The following RPAP1 variants were observed in gnomAD, a reference collection of about 807,000 sequenced individuals.
RPAP1 encodes the protein RNA polymerase II associated protein 1, also known as RNA polymerase II-associated protein 1.
A neutral mutation model predicts 142.4 loss-of-function variants in RPAP1; 109 were observed. The observed-to-expected ratio is 0.77, with a 90% CI of 0.66 to 0.90. The LOEUF (loss-of-function observed/expected upper bound fraction) is 0.90, where lower values mean the gene tolerates loss of function less well. Among genes scored for constraint, RPAP1 ranks in the 40% least tolerant of loss-of-function variants. The pLI, the probability that RPAP1 is intolerant of heterozygous loss-of-function variation, is 0.00. For missense variants in RPAP1, 1,546 were observed against 1,751.7 expected (o/e 0.88, Z 2.10); for synonymous variants, 704 against 738.9 (o/e 0.95, Z 0.77).
chr15:41,520,477 G>A lies in RPAP1; in HGVS notation c.3709C>T (p.Gln1237Ter), dbSNP rs1303746394. The change falls in exon 22 of 25, where the codon CAG (glutamine) becomes TAG (stop). Residue 1237 changes from glutamine (Q) to a stop codon, truncating the protein, a stop_gained. Coordinates refer to ENST00000304330, the MANE Select transcript of RPAP1 (RefSeq NM_015540.4). LOFTEE classifies it high-confidence loss of function. ...LFGALVLLPL[Q>*]RRFSVTLRLA... The stretch of plus-strand genomic sequence containing the variant: ...CGCAAGGTGACACTGAACCGACGCT[G>A]CAGGGGCAGGAGGACCAGGGCCCCA... The A allele has an allele frequency of 6.2e-7, 1 of 1,614,138 alleles. No homozygotes were observed. The highest frequency in any genetic ancestry group is 8.5e-7 in the Non-Finnish European group (1 of 1,179,994).
In RPAP1 at chr15:41,517,356, A is replaced by C; in HGVS notation, c.*186T>G. On this transcript the variant is annotated 3_prime_UTR_variant, in exon 25 of 25. Transcript: ENST00000304330. ...GTACAGACCTTCAGAAGCCCCAGAT[A>C]TCAGGATGTAATGGTAGGGCTCACT... is the stretch of plus-strand genomic sequence containing the variant. 1.9e-6 allele frequency: 1 copy of C among 517,534 alleles called. No individual in the cohort carries two copies. Among genetic ancestry groups the C allele is most frequent in the East Asian group, 3.0e-5 (1 of 32,940 alleles). 32.1% of individuals were successfully genotyped at this position (517,534 alleles called of 1,614,324 possible). A position where few individuals can be genotyped will look rare whatever the true frequency, so the allele number is the denominator to read the frequency against.
At position 41,523,810 on chromosome 15, in the gene RPAP1, C is replaced by T. The variant is rs1220704217; in HGVS notation, c.2397G>A (p.Leu799=). The change falls in exon 17 of 25, where the codon CTG becomes CTA. Residue 799 remains leucine, a synonymous_variant. Coordinates refer to ENST00000304330, the MANE Select transcript of RPAP1 (RefSeq NM_015540.4). ...RAVGPVPVAC[L]LFLGAYYQAW... ...CCTGGTAGTAGGCTCCCAGGAACAA[C>T]AGGCAGGCAACGGGCACTGGGCCCA... The T allele has an allele frequency of 6.2e-7, 1 of 1,608,688 alleles. No homozygotes were observed. The highest frequency in any genetic ancestry group is 1.3e-5 in the African/African-American group (1 of 74,836).
At chr15:41,543,928 C>G (rs954697841) in intron 1 of RPAP1, 1 of 152,238 alleles carries the variant, frequency 6.6e-6, no homozygotes, top group African/African-American at 2.4e-5. Flanking sequence ...AGCCTATCCT[C>G]CAGAGCCAGG....
intron 1 of RPAP1, among the ~76,000 whole-genome samples, chr15:41,541,988 G>A (rs887745392): frequency 6.6e-6 from 1 of 152,170 alleles, no homozygotes; most frequent in Non-Finnish European, 1.5e-5. Flanking sequence ...TAGAAATGGT[G>A]AAACAATCAC....
chr15:41,527,611 A>G lies in RPAP1; in HGVS notation c.1429-6T>C. 6.2e-7 allele frequency: 1 copy of G among 1,609,340 alleles called. No individual in the cohort carries two copies. Among genetic ancestry groups the G allele is most frequent in the Non-Finnish European group, 8.5e-7 (1 of 1,178,090 alleles). ...AAGGTGCTGTCGAGGAGCTCCTGCC[A>G]GAGGAACGGGAGTTGGGGGGCAATG... On this transcript the variant is annotated splice_polypyrimidine_tract_variant and splice_region_variant and intron_variant, in intron 11 of 24. Coordinates refer to ENST00000304330, the MANE Select transcript of RPAP1 (RefSeq NM_015540.4).
In RPAP1 at chr15:41,525,014, A is replaced by G. The variant is rs773717127; in HGVS notation, c.2052T>C (p.Tyr684=). The change falls in exon 15 of 25, where the codon TAT becomes TAC. Residue 684 remains tyrosine, a synonymous_variant. Coordinates refer to ENST00000304330, the MANE Select transcript of RPAP1 (RefSeq NM_015540.4). The part of the protein sequence containing the change: ...ALRLWAVAAS[Y]GQGGYLYREL... ...ACCTGTAAAGGTAACCGCCCTGGCCATAGGAGGCAGCCACAGCCCACAGAC... is the reference window on the plus strand; with the variant it reads ...ACCTGTAAAGGTAACCGCCCTGGCCGTAGGAGGCAGCCACAGCCCACAGAC... The G allele has an allele frequency of 3.1e-6, 5 of 1,613,730 alleles. No individual in the cohort carries two copies. The South Asian group carries it at 5.5e-5, about 18-fold the overall frequency.
chr15:41,539,357 C>T (rs1172938581), intron 1 of RPAP1, among the ~76,000 whole-genome samples: 4 of 151,812 alleles, frequency 2.6e-5, no homozygotes, highest in East Asian at 1.9e-4. Flanking sequence ...TGCAATGGCG[C>T]GATCTCGGCT....
chr15:41,527,609 C>A lies in RPAP1; in HGVS notation c.1429-4G>T, dbSNP rs769099352. 1 of 1,609,358 alleles carries A rather than the reference C, an allele frequency of 6.2e-7. No individual in the cohort carries two copies. Among genetic ancestry groups the A allele is most frequent in the African/African-American group, 1.3e-5 (1 of 74,642 alleles). ...AGAAGGTGCTGTCGAGGAGCTCCTG[C>A]CAGAGGAACGGGAGTTGGGGGGCAA... On this transcript the variant is annotated splice_polypyrimidine_tract_variant and splice_region_variant and intron_variant, in intron 11 of 24. Coordinates refer to ENST00000304330, the MANE Select transcript of RPAP1 (RefSeq NM_015540.4).
intron 6 of RPAP1, 111 bp from the exon 7 acceptor site, chr15:41,531,313 G>A (rs1007860384): frequency 4.2e-5 from 46 of 1,096,748 alleles, no homozygotes; most frequent in Non-Finnish European, 5.7e-5. Flanking sequence ...GACAGGACAA[G>A]CTGCTTCCGA....
intron 9 of RPAP1, among the ~76,000 whole-genome samples, chr15:41,528,612 G>C (rs1176647939): frequency 6.6e-6 from 1 of 152,172 alleles, no homozygotes; most frequent in East Asian, 1.9e-4. Flanking sequence ...TGGATGGGTA[G>C]AGCTTTGATG....
intron 7 of RPAP1, 76 bp downstream of exon 7, chr15:41,530,942 TCTCTC>T: frequency 1.5e-6 from 2 of 1,363,534 alleles, no homozygotes; most frequent in East Asian, 2.3e-5. Flanking sequence ...GCTTCTCTCT[TCTCTC>T]ATTTGCCAGG....
At chr15:41,533,147 CACAGGACAAGTTTAAGG>C (rs2051871683) in intron 6 of RPAP1, among the ~76,000 whole-genome samples, 1 of 152,064 alleles carries the variant, frequency 6.6e-6, no homozygotes. Context: ...CCACCTACCT[CACAGGACAAGTTTAAGG>C]ACAGAACTGA....
At chr15:41,532,395 C>T (rs1424073275) in intron 6 of RPAP1, among the ~76,000 whole-genome samples, 2 of 151,986 alleles carry the variant, frequency 1.3e-5, no homozygotes, top group African/African-American at 2.4e-5. Context: ...AACTCTTGGC[C>T]TCAAGCAATC....
intron 6 of RPAP1, among the ~76,000 whole-genome samples, chr15:41,532,222 G>A (rs2051859058): frequency 1.3e-5 from 2 of 152,020 alleles, no homozygotes; most frequent in African/African-American, 4.8e-5. Flanking sequence ...GGGTTTCACC[G>A]TGTTGGCCAG....
chr15:41,540,564 G>A (rs1444161215), intron 1 of RPAP1, among the ~76,000 whole-genome samples: 2 of 152,214 alleles, frequency 1.3e-5, no homozygotes, highest in African/African-American at 4.8e-5. Flanking sequence ...GCCTCCCAAA[G>A]TGCTGGGATT....
Position 41,536,994 on chromosome 15 carries a change from G to A in RPAP1, c.132C>T (p.Asn44=). The A allele has an allele frequency of 6.2e-7, 1 of 1,614,168 alleles. No individual in the cohort carries two copies. The highest frequency in any genetic ancestry group is 8.5e-7 in the Non-Finnish European group (1 of 1,180,030). The change falls in exon 2 of 25, where the codon AAC becomes AAT. Residue 44 remains asparagine (N), a synonymous_variant. Coordinates refer to ENST00000304330, the MANE Select transcript of RPAP1 (RefSeq NM_015540.4). ...GGTCCTGGAGCGGAGGCCGGTCTGA[G>A]TTGGCATCACCACCGCCCCTATTTC... ...KKGNRGGGDA[N]SDRPPLQDHR...
At chr15:41,520,360 C>A (rs765188434) in intron 22 of RPAP1, 31 bp downstream of exon 22, 6 of 1,610,254 alleles carry the variant, frequency 3.7e-6, no homozygotes, top group East Asian at 2.2e-5. Flanking sequence ...TGCAGGGTAC[C>A]CTTGCAGGTC....
intron 1 of RPAP1, among the ~76,000 whole-genome samples, chr15:41,539,000 G>A (rs1265026733): frequency 6.6e-6 from 1 of 152,226 alleles, no homozygotes; most frequent in Non-Finnish European, 1.5e-5. Flanking sequence ...GTTGCCAGGG[G>A]CTAGGAGAGC....
rs771412337 is a variant in RPAP1 at position 41,528,041 on chromosome 15, G to C, written c.1261-14C>G. 1 of 1,612,758 alleles carries C rather than the reference G, an allele frequency of 6.2e-7. No individual in the cohort carries two copies. The highest frequency in any genetic ancestry group is 1.7e-5 in the Admixed American group (1 of 59,844). On this transcript the variant is annotated splice_polypyrimidine_tract_variant and intron_variant, in intron 10 of 24. Coordinates refer to ENST00000304330, the MANE Select transcript of RPAP1 (RefSeq NM_015540.4). ...ACCAGCCTGGGCCTGAGGGCAGGAGGGTAAAACCTTGCTGAAGATGCTGAA... is the reference window on the plus strand; with the variant it reads ...ACCAGCCTGGGCCTGAGGGCAGGAGCGTAAAACCTTGCTGAAGATGCTGAA...
Sources: gnomAD v4.1 joint callset for allele counts (sites outside exome capture counted in the v4.1 genomes callset) on GRCh38, gnomAD v4.1.1 for gene constraint, MANE v1.5 for transcripts, NCBI Gene and HGNC (gene_info 2026-07-23, HGNC 2026-07-21) for gene names.